ZNF487: variants seen among roughly 807,000 people sequenced by gnomAD.
The protein encoded by ZNF487 is KRAB domain only 1.
ZNF487 carries 4 observed loss-of-function variants against 3.0 expected under a neutral mutation model. The ratio of observed to expected loss-of-function variants is 1.35; its 90% CI spans 0.66 to 3.08. The LOEUF (loss-of-function observed/expected upper bound fraction) is 3.08, where lower values mean the gene tolerates loss of function less well. Among genes scored for constraint, ZNF487 ranks in the 30% most tolerant of loss-of-function variants. The pLI, the probability that ZNF487 is intolerant of heterozygous loss-of-function variation, is 0.01. For synonymous variants in ZNF487, 55 were observed against 34.6 expected, an observed-to-expected ratio of 1.59 and a Z score of -2.06; for missense variants, 146 against 98.7, an observed-to-expected ratio of 1.48 and a Z score of -2.03.
At chr10:43,494,009 C>T in the ZNF487 span, among the ~76,000 whole-genome samples, 20 of 146,484 alleles carry the variant, frequency 1.4e-4, no homozygotes, top group Non-Finnish European at 1.6e-4. Context: ...CCAGCTTAGG[C>T]GGCAGAACAA....
downstream of ZNF487, among the ~76,000 whole-genome samples, chr10:43,487,935 A>C (rs1322722127): frequency 2.2e-5 from 3 of 138,314 alleles, no homozygotes; most frequent in Non-Finnish European, 4.9e-5. Context: ...AATACAAAAA[A>C]AAAAAAAAAA....
At position 43,481,760 on chromosome 10, in the gene ZNF487, T is replaced by C. The variant is rs550359731; in HGVS notation, c.462T>C (p.Tyr154=). The C allele has an allele frequency of 3.6e-5, 26 of 714,814 alleles. No individual in the cohort carries two copies. The highest frequency in any genetic ancestry group is 6.2e-5 in the Non-Finnish European group (24 of 385,090). 44.3% of individuals were successfully genotyped at this position (714,814 alleles called of 1,614,324 possible). Residue 154 remains tyrosine (Y), a synonymous_variant, in exon 4 of 4, where the codon TAT becomes TAC. Coordinates refer to ENST00000437590, the MANE Select transcript of ZNF487 (RefSeq NM_001355444.3). ...ATGCCAGAGGGAAACCTTTGGAATATGATGGAAATGGGAAAGCCGTCTCTC... is the reference window on the plus strand; with the variant it reads ...ATGCCAGAGGGAAACCTTTGGAATACGATGGAAATGGGAAAGCCGTCTCTC... ...NPYARGKPLE[Y]DGNGKAVSQN... is the part of the protein sequence containing the mutation.
the ZNF487 span, among the ~76,000 whole-genome samples, chr10:43,516,434 C>T: frequency 2.6e-5 from 4 of 152,118 alleles, no homozygotes; most frequent in Non-Finnish European, 4.4e-5. Flanking sequence ...ATCTGTATTA[C>T]GGTTCTCTAG....
At chr10:43,483,231 CT>C (rs1485731045), downstream of ZNF487, 1 of 381,034 alleles carries the variant, frequency 2.6e-6, no homozygotes, top group Non-Finnish European at 5.1e-6. Context: ...ATCTTCTTTT[CT>C]TTTCTTTTCT....
At chr10:43,455,680 C>T (rs189073977) in intron 1 of ZNF487, among the ~76,000 whole-genome samples, 1 of 152,342 alleles carries the variant, frequency 6.6e-6, no homozygotes, top group East Asian at 1.9e-4. Flanking sequence ...CGGCCCATTT[C>T]CGAGAGTGGC....
chr10:43,481,890 C>T lies in ZNF487; in HGVS notation c.592C>T (p.His198Tyr). 1 of 692,950 alleles carries T rather than the reference C, an allele frequency of 1.4e-6. No individual in the cohort carries two copies. 42.9% of individuals were successfully genotyped at this position (692,950 alleles called of 1,614,324 possible). The change falls in exon 4 of 4, where the codon CAT becomes TAT. Residue 198 changes from histidine to tyrosine, a missense_variant. Physicochemically the swap from His to Tyr is moderately conservative, Grantham distance 83. Coordinates refer to ENST00000437590, the MANE Select transcript of ZNF487 (RefSeq NM_001355444.3). ...AFHEEAACSTHKRVCSWETL is the reference protein window; with the variant it reads ...AFHEEAACSTYKRVCSWETL The stretch of plus-strand genomic sequence containing the variant: ...TCATGAAGAGGCAGCCTGCAGTACC[C>T]ATAAGAGAGTGTGCTCATGGGAGAC...
At chr10:43,499,241 G>T in the ZNF487 span, among the ~76,000 whole-genome samples, 1 of 151,742 alleles carries the variant, frequency 6.6e-6, no homozygotes, top group Admixed American at 6.6e-5. Flanking sequence ...ACCCAAAAAG[G>T]GTAATAAAGT....
chr10:43,471,152 T>C lies in ZNF487; in HGVS notation c.-93-4569T>C, dbSNP rs1041109707. Among the ~76,000 whole-genome samples the C allele has an allele frequency of 7.2e-5, 11 of 152,194 alleles. 1 individual carries two copies. The highest frequency in any genetic ancestry group is 5.9e-4 in the Admixed American group (9 of 15,276). ...TGCAGGATTTTTCTTGGCCCCTTTG[T>C]TGGACTCGTGACAGGGCTGTCCCAT... On this transcript the variant is annotated intron_variant, in intron 1 of 3. Transcript: ENST00000437590.
At position 43,482,562 on chromosome 10, in the gene ZNF487, A is replaced by G; in HGVS notation, c.*640A>G. ...TCTTCATGTACATCAGAGAACACAC[A>G]CAGGAGAGAAACCCTATGGATGTAA... On this transcript the variant is annotated 3_prime_UTR_variant, in exon 4 of 4. Coordinates refer to ENST00000437590, the MANE Select transcript of ZNF487 (RefSeq NM_001355444.3). The G allele has an allele frequency of 2.0e-6, 1 of 508,722 alleles. No individual in the cohort carries two copies. Among genetic ancestry groups the G allele is most frequent in the Non-Finnish European group, 4.0e-6 (1 of 249,240 alleles). 31.5% of individuals were successfully genotyped at this position (508,722 alleles called of 1,614,324 possible).
rs186818720 is a variant in ZNF487 at position 43,478,764 on chromosome 10, T to C, written c.130+2562T>C. ...AGCTATATGGAGTTTGAGAATCATATATGAAATGTGAACATGAAACCTTAG... is the reference window on the plus strand; with the variant it reads ...AGCTATATGGAGTTTGAGAATCATACATGAAATGTGAACATGAAACCTTAG... On this transcript the variant is annotated intron_variant, in intron 3 of 3. Transcript: ENST00000437590. Among the ~76,000 whole-genome samples the C allele has an allele frequency of 5.9e-5, 9 of 152,036 alleles. No homozygotes were observed. In the East Asian group the frequency reaches 1.7e-3, roughly 29 times the overall value.
the ZNF487 span, among the ~76,000 whole-genome samples, chr10:43,520,315 C>T: frequency 5.3e-5 from 8 of 152,008 alleles, no homozygotes; most frequent in African/African-American, 1.7e-4. Context: ...GTTGTGAGTA[C>T]TCTTTTACAT....
chr10:43,464,992 C>T (rs1564421691), intron 1 of ZNF487, among the ~76,000 whole-genome samples: 3 of 146,964 alleles, frequency 2.0e-5, no homozygotes, highest in South Asian at 4.3e-4. Flanking sequence ...GCTGGCTGGG[C>T]GGGGGCTGAC....
At chr10:43,510,443 C>T in the ZNF487 span, among the ~76,000 whole-genome samples, 5 of 152,176 alleles carry the variant, frequency 3.3e-5, no homozygotes, top group African/African-American at 1.2e-4. Flanking sequence ...TAATGGATCT[C>T]CTGTATTCCA....
the ZNF487 span, among the ~76,000 whole-genome samples, chr10:43,495,203 C>CTTTTTTTTTTTT: frequency 8.2e-6 from 1 of 121,512 alleles, no homozygotes; most frequent in Non-Finnish European, 1.7e-5. Context: ...TGTCCCCAGG[C>CTTTTTTTTTTTT]TTTTTTTTTT....
the ZNF487 span, among the ~76,000 whole-genome samples, chr10:43,513,085 A>G: frequency 6.6e-6 from 1 of 152,250 alleles, no homozygotes; most frequent in African/African-American, 2.4e-5. Flanking sequence ...TCCAGTCAGC[A>G]TAATATCATC....
Position 43,481,692 on chromosome 10 carries a change from G to A in ZNF487, c.394G>A (p.Val132Ile), listed in dbSNP as rs1050229914. Residue 132 changes from valine to isoleucine, a missense_variant, in exon 4 of 4, where the codon GTA becomes ATA. Transcript: ENST00000437590. The part of the protein sequence containing the change: ...SFVRNPAECN[V>I]RGKFLLCMKR... ...TGTAAGGAACCCTGCTGAGTGTAATGTACGTGGGAAATTTCTCCTCTGTAT... is the reference window on the plus strand; with the variant it reads ...TGTAAGGAACCCTGCTGAGTGTAATATACGTGGGAAATTTCTCCTCTGTAT... 6 of 711,954 alleles carry A rather than the reference G, an allele frequency of 8.4e-6. No individual in the cohort carries two copies. The highest frequency in any genetic ancestry group is 6.1e-5 in the Admixed American group (3 of 49,000). 44.1% of individuals were successfully genotyped at this position (711,954 alleles called of 1,614,324 possible). A position where few individuals can be genotyped will look rare whatever the true frequency, so the allele number is the denominator to read the frequency against.
chr10:43,515,370 C>T, the ZNF487 span, among the ~76,000 whole-genome samples: 1 of 152,162 alleles, frequency 6.6e-6, no homozygotes. Flanking sequence ...TCAGGCAGCA[C>T]AGGGTTTATC....
At chr10:43,514,548 G>A in the ZNF487 span, among the ~76,000 whole-genome samples, 2 of 152,134 alleles carry the variant, frequency 1.3e-5, no homozygotes. Context: ...ACTTTCACTT[G>A]TAGGAACACC....
intron 1 of ZNF487, among the ~76,000 whole-genome samples, chr10:43,455,576 G>A (rs953644865): frequency 2.0e-5 from 3 of 152,234 alleles, no homozygotes; most frequent in Non-Finnish European, 4.4e-5. Context: ...GGCGGGGCGA[G>A]GCGAGGTTGT....
Sources: allele counts gnomAD v4.1 joint callset (sites outside exome capture counted in the v4.1 genomes callset), GRCh38; gene constraint gnomAD v4.1.1; transcripts MANE v1.5; gene names NCBI Gene and HGNC (gene_info 2026-07-23, HGNC 2026-07-21).